The following SIL1 variants were observed in gnomAD, a reference collection of about 807,000 sequenced individuals.
The protein encoded by SIL1 is SIL1 nucleotide exchange factor, also known as nucleotide exchange factor SIL1.
SIL1 carries 40 observed loss-of-function variants against 49.1 expected under a neutral mutation model. That is an observed-to-expected ratio of 0.81 (90% CI 0.63 to 1.06). The LOEUF is 1.06. SIL1 is among the 50% of genes least tolerant of loss of function. The pLI, the probability that SIL1 is intolerant of heterozygous loss-of-function variation, is 0.00. For missense variants in SIL1, 500 were observed against 572.6 expected (o/e 0.87, Z 1.29); for synonymous variants, 253 against 250.8 (o/e 1.01, Z -0.08).
rs113358106 is a variant in SIL1, at chr5:139,145,831, G to A, written c.-10-17978C>T. Among the ~76,000 whole-genome samples the A allele has an allele frequency of 4.9e-3, 749 of 152,120 alleles. 1 individual carries two copies. The highest frequency in any genetic ancestry group is 0.017 in the African/African-American group (714 of 41,478). On this transcript the variant is annotated intron_variant, in intron 1 of 9. Coordinates refer to ENST00000394817, the MANE Select transcript of SIL1 (RefSeq NM_022464.5). Reference sequence around the variant, plus strand: ...CTGGGTGTGGTGGCCCACTAAAGTGGGAGGATAGCTTGAGCCCAGGGGTTT... The same window carrying A: ...CTGGGTGTGGTGGCCCACTAAAGTGAGAGGATAGCTTGAGCCCAGGGGTTT...
intron 1 of SIL1, among the ~76,000 whole-genome samples, chr5:139,132,728 G>A (rs1488669060): frequency 5.3e-5 from 8 of 152,154 alleles, no homozygotes; most frequent in Non-Finnish European, 8.8e-5. Flanking sequence ...TTTAAGGCCT[G>A]GCCTGCAGCC....
At chr5:138,949,023 C>T (rs570136606) in intron 9 of SIL1, among the ~76,000 whole-genome samples, 2 of 152,204 alleles carry the variant, frequency 1.3e-5, no homozygotes, top group African/African-American at 2.4e-5. Flanking sequence ...TATCCAGTCC[C>T]GGGTATTCTG....
At chr5:139,047,750 C>G (rs974332759) in intron 4 of SIL1, among the ~76,000 whole-genome samples, 1 of 152,228 alleles carries the variant, frequency 6.6e-6, no homozygotes, top group African/African-American at 2.4e-5. Flanking sequence ...GCTCACTGAG[C>G]TCACAGCACT....
Position 139,043,293 on chromosome 5 carries a change from C to A in SIL1, c.354-574G>T, listed in dbSNP as rs565424023. 5.2e-4 allele frequency among the ~76,000 whole-genome samples: 79 copies of A among 152,334 alleles called. No individual in the cohort carries two copies. In the South Asian group the frequency reaches 7.3e-3, roughly 14 times the overall value. On this transcript the variant is annotated intron_variant, in intron 4 of 9. Coordinates refer to ENST00000394817, the MANE Select transcript of SIL1 (RefSeq NM_022464.5). ...AAGAAATAAGCCTGGCATAACTGTG[C>A]AATGCTCTCCCTCAGCACGCTGCCA...
At chr5:138,992,902 A>G (rs1041353977) in intron 7 of SIL1, among the ~76,000 whole-genome samples, 3 of 152,074 alleles carry the variant, frequency 2.0e-5, no homozygotes, top group South Asian at 4.1e-4. Flanking sequence ...TTAAAAAAAT[A>G]TAAATAAATA....
At chr5:139,111,025 A>C (rs1186860855) in intron 3 of SIL1, among the ~76,000 whole-genome samples, 3 of 152,030 alleles carry the variant, frequency 2.0e-5, no homozygotes, top group Non-Finnish European at 4.4e-5. Flanking sequence ...AAGTCAACAA[A>C]CCTCACCCAC....
intron 7 of SIL1, among the ~76,000 whole-genome samples, chr5:139,003,766 G>A (rs1768046615): frequency 6.6e-6 from 1 of 152,194 alleles, no homozygotes; most frequent in Non-Finnish European, 1.5e-5. Flanking sequence ...AGTAAGAGAA[G>A]CCCATGCTGG....
intron 7 of SIL1, among the ~76,000 whole-genome samples, chr5:138,999,834 G>A (rs960541669): frequency 2.6e-5 from 4 of 152,150 alleles, no homozygotes; most frequent in African/African-American, 9.7e-5. Context: ...GCAGGTCAAG[G>A]CTGCAGTGCA....
At position 139,113,518 on chromosome 5, in the gene SIL1, T is replaced by A. The variant is rs567688492; in HGVS notation, c.244+7517A>T. Among the ~76,000 whole-genome samples, 5 of 152,076 alleles carry A rather than the reference T, an allele frequency of 3.3e-5. No individual in the cohort carries two copies. In the South Asian group the frequency reaches 1.0e-3, roughly 32 times the overall value. On this transcript the variant is annotated intron_variant, in intron 3 of 9. Transcript: ENST00000394817. Reference sequence around the variant, plus strand: ...TACTCTCACTTCAGGTCTCTGTTCATATTATCCCCACCAACACCACTACTC... The same window carrying A: ...TACTCTCACTTCAGGTCTCTGTTCAAATTATCCCCACCAACACCACTACTC...
intron 1 of SIL1, among the ~76,000 whole-genome samples, chr5:139,180,381 C>CAAAAAAA (rs35534058): frequency 3.5e-5 from 2 of 57,050 alleles, no homozygotes; most frequent in African/African-American, 1.5e-4. Context: ...AACTCCATCT[C>CAAAAAAA]AAAAAAAAAA....
chr5:139,128,484 T>TA (rs1018705067), intron 1 of SIL1, among the ~76,000 whole-genome samples: 7 of 150,948 alleles, frequency 4.6e-5, no homozygotes, highest in Non-Finnish European at 8.9e-5. Flanking sequence ...CACAAAAAAT[T>TA]AAAAAAACAA....
chr5:139,111,298 C>T (rs1277195785), intron 3 of SIL1, among the ~76,000 whole-genome samples: 7 of 152,182 alleles, frequency 4.6e-5, no homozygotes, highest in Admixed American at 3.9e-4. Context: ...CCTTTCTAGC[C>T]TCTGCTTCTA....
intron 2 of SIL1, 92 bp from the exon 3 acceptor site, chr5:139,121,265 C>T (rs1750629701): frequency 6.5e-6 from 10 of 1,541,682 alleles, no homozygotes; most frequent in Non-Finnish European, 4.5e-6. Flanking sequence ...TCTTTTCCTC[C>T]ATGCCCCTCT....
At chr5:139,010,582 A>G (rs1189616506) in intron 7 of SIL1, among the ~76,000 whole-genome samples, 2 of 150,222 alleles carry the variant, frequency 1.3e-5, no homozygotes, top group Non-Finnish European at 3.0e-5. Context: ...TTTTTTCCCC[A>G]TCTTTGTGGT....
chr5:139,166,436 A>G (rs1189475050), intron 1 of SIL1, among the ~76,000 whole-genome samples: 1 of 152,180 alleles, frequency 6.6e-6, no homozygotes, highest in African/African-American at 2.4e-5. Context: ...TCAAGACAGG[A>G]GGATCCCTTG....
chr5:139,074,329 T>C (rs935813710), intron 3 of SIL1, among the ~76,000 whole-genome samples: 3 of 152,254 alleles, frequency 2.0e-5, no homozygotes, highest in Non-Finnish European at 4.4e-5. Flanking sequence ...AGTGCTGGGA[T>C]TATAGGCATG....
chr5:139,044,720 C>T lies in SIL1; in HGVS notation c.354-2001G>A, dbSNP rs568627761. Among the ~76,000 whole-genome samples the T allele has an allele frequency of 1.2e-4, 19 of 152,160 alleles. No homozygotes were observed. In the South Asian group the frequency reaches 2.5e-3, roughly 20 times the overall value. ...AAAGCTTTAACTCCCATAATTACAC[C>T]GCTCCCTCCTGCCTGCATCATCAAT... is the stretch of plus-strand genomic sequence containing the variant. On this transcript the variant is annotated intron_variant, in intron 4 of 9. Coordinates refer to ENST00000394817, the MANE Select transcript of SIL1 (RefSeq NM_022464.5).
intron 4 of SIL1, among the ~76,000 whole-genome samples, chr5:139,045,628 T>C (rs1363855922): frequency 2.0e-5 from 3 of 152,244 alleles, no homozygotes; most frequent in Admixed American, 2.0e-4. Flanking sequence ...AACTACCTGA[T>C]AGATCTGTAT....
intron 1 of SIL1, among the ~76,000 whole-genome samples, chr5:139,129,620 C>T (rs1048301478): frequency 3.9e-5 from 6 of 152,114 alleles, no homozygotes; most frequent in African/African-American, 1.2e-4. Context: ...TGCAGTGAGC[C>T]GAGATCACGC....
Sources: allele counts gnomAD v4.1 joint callset (sites outside exome capture counted in the v4.1 genomes callset), GRCh38; gene constraint gnomAD v4.1.1; transcripts MANE v1.5; gene names NCBI Gene and HGNC (gene_info 2026-07-23, HGNC 2026-07-21).